Variants in CNTN4 observed in about 807,000 individuals in gnomAD.
CNTN4 encodes contactin 4, also known as contactin-4.
A neutral mutation model predicts 122.5 loss-of-function variants in CNTN4; 77 were observed. That is an observed-to-expected ratio of 0.63 (90% confidence interval 0.52 to 0.76). The LOEUF (loss-of-function observed/expected upper bound fraction) is 0.76. CNTN4 is among the 30% of genes least tolerant of loss of function. The pLI is 0.00. For missense variants in CNTN4, 1,256 were observed against 1,259.1 expected (o/e 1.00, Z 0.04); for synonymous variants, 512 against 447.0 (o/e 1.15, Z -1.83).
intron 4 of CNTN4, among the ~76,000 whole-genome samples, chr3:2,699,120 T>G (rs2086212128): frequency 6.6e-6 from 1 of 152,182 alleles, no homozygotes; most frequent in East Asian, 1.9e-4. Flanking sequence ...TTGGAAGAAT[T>G]TGATGATGAT....
chr3:2,118,516 G>C (rs1237291962), intron 2 of CNTN4, among the ~76,000 whole-genome samples: 1 of 152,226 alleles, frequency 6.6e-6, no homozygotes, highest in East Asian at 1.9e-4. Flanking sequence ...ATTTGCATAT[G>C]AATGTAAACA....
chr3:2,630,600 A>G (rs931176234), intron 4 of CNTN4, among the ~76,000 whole-genome samples: 2 of 152,186 alleles, frequency 1.3e-5, no homozygotes, highest in Non-Finnish European at 2.9e-5. Context: ...CATAAATAAT[A>G]CTGAGAAACT....
chr3:2,699,681 T>C (rs2086254038), intron 4 of CNTN4, among the ~76,000 whole-genome samples: 1 of 152,156 alleles, frequency 6.6e-6, no homozygotes, highest in Admixed American at 6.5e-5. Flanking sequence ...TTACTGGGTT[T>C]GGACCAGTTT....
chr3:3,017,010 T>G lies in CNTN4; in HGVS notation c.1487-9092T>G, dbSNP rs111437214. Among the ~76,000 whole-genome samples the G allele has an allele frequency of 1.9e-3, 285 of 152,336 alleles. 2 individuals carry two copies. The highest frequency in any genetic ancestry group is 3.4e-3 in the Middle Eastern group (1 of 294). On this transcript the variant is annotated intron_variant, in intron 14 of 24. Transcript: ENST00000418658. ...CCGAGAACCAGGTCACAATACTATG[T>G]GGCTGTGCCTCTCGGTATGAATCGA...
At chr3:2,705,755 TATATA>T (rs1408459718) in intron 4 of CNTN4, among the ~76,000 whole-genome samples, 1 of 102,904 alleles carries the variant, frequency 9.7e-6, no homozygotes, top group African/African-American at 4.1e-5. Context: ...TGATATATAA[TATATA>T]ATATATATTT....
chr3:2,663,329 A>G (rs565132644), intron 4 of CNTN4, among the ~76,000 whole-genome samples: 1 of 152,304 alleles, frequency 6.6e-6, no homozygotes, highest in South Asian at 2.1e-4. Context: ...GGATTCAAGA[A>G]GTACTGTAGG....
intron 9 of CNTN4, 96 bp from the exon 10 acceptor site, chr3:2,886,944 C>G: frequency 9.6e-7 from 1 of 1,038,824 alleles, no homozygotes; most frequent in Non-Finnish European, 1.4e-6. Context: ...AAACACCCAA[C>G]CTTATATGTG....
At chr3:2,889,748 T>C (rs1022629112) in intron 10 of CNTN4, among the ~76,000 whole-genome samples, 3 of 152,230 alleles carry the variant, frequency 2.0e-5, no homozygotes, top group African/African-American at 7.2e-5. Flanking sequence ...TTCATGATTT[T>C]CTGTTAACTG....
At chr3:2,958,368 C>G (rs2094821362) in intron 13 of CNTN4, among the ~76,000 whole-genome samples, 1 of 152,124 alleles carries the variant, frequency 6.6e-6, no homozygotes, top group Admixed American at 6.5e-5. Flanking sequence ...AAGGTAAGTT[C>G]TGAACCTTCA....
chr3:2,813,292 G>GGAA (rs2092655073), intron 6 of CNTN4, among the ~76,000 whole-genome samples: 1 of 152,120 alleles, frequency 6.6e-6, no homozygotes, highest in African/African-American at 2.4e-5. Flanking sequence ...TCTCCTTACT[G>GGAA]ATTGCGTCTT....
At chr3:2,810,547 C>T (rs924214435) in intron 6 of CNTN4, among the ~76,000 whole-genome samples, 1 of 152,172 alleles carries the variant, frequency 6.6e-6, no homozygotes, top group African/African-American at 2.4e-5. Context: ...TCTCCACACA[C>T]CACTTTCCTC....
At chr3:2,770,889 C>A (rs1313188457) in intron 6 of CNTN4, among the ~76,000 whole-genome samples, 1 of 152,166 alleles carries the variant, frequency 6.6e-6, no homozygotes, top group Admixed American at 6.5e-5. Flanking sequence ...CAATGCATAT[C>A]CAGGTGATAG....
intron 2 of CNTN4, among the ~76,000 whole-genome samples, chr3:2,189,222 G>C (rs762722180): frequency 4.6e-5 from 7 of 152,152 alleles, no homozygotes; most frequent in Non-Finnish European, 1.0e-4. Flanking sequence ...TGCAGGGTGT[G>C]CCCAGGCAGG....
intron 6 of CNTN4, among the ~76,000 whole-genome samples, chr3:2,800,869 C>G (rs1220620920): frequency 2.0e-5 from 3 of 152,170 alleles, no homozygotes; most frequent in Admixed American, 2.0e-4. Context: ...TTCCCGTAAA[C>G]ATTCATCTGG....
intron 3 of CNTN4, among the ~76,000 whole-genome samples, chr3:2,474,654 A>G (rs2075786714): frequency 6.6e-6 from 1 of 152,198 alleles, no homozygotes; most frequent in Non-Finnish European, 1.5e-5. Context: ...TAAGAAGGAA[A>G]CAACATTTAG....
intron 3 of CNTN4, among the ~76,000 whole-genome samples, chr3:2,349,864 A>C (rs1254474652): frequency 6.6e-6 from 1 of 152,206 alleles, no homozygotes; most frequent in Non-Finnish European, 1.5e-5. Context: ...GGAGAAGCTT[A>C]AACCTGAGGA....
intron 2 of CNTN4, among the ~76,000 whole-genome samples, chr3:2,265,466 TG>T (rs2041006055): frequency 6.6e-6 from 1 of 152,138 alleles, no homozygotes; most frequent in Non-Finnish European, 1.5e-5. Context: ...ACTATGACTT[TG>T]TAATATAATT....
intron 4 of CNTN4, among the ~76,000 whole-genome samples, chr3:2,731,058 TGTG>T (rs2088640816): frequency 6.6e-6 from 1 of 151,890 alleles, no homozygotes; most frequent in African/African-American, 2.4e-5. Context: ...CCATTACAGA[TGTG>T]GTCATTTTTA....
At chr3:2,352,364 G>A (rs34834532) in intron 3 of CNTN4, among the ~76,000 whole-genome samples, 35,916 of 152,138 alleles carry the variant, frequency 0.24, 4,892 homozygotes, top group Admixed American at 0.34. Context: ...GGCCGGAACC[G>A]GCTCCCTCTG....
Sources: allele counts gnomAD v4.1 joint callset (sites outside exome capture counted in the v4.1 genomes callset), GRCh38; gene constraint gnomAD v4.1.1; transcripts MANE v1.5; gene names NCBI Gene and HGNC (gene_info 2026-07-23, HGNC 2026-07-21).